The following GLCCI1 variants were observed in gnomAD, a reference collection of about 807,000 sequenced individuals.
The protein encoded by GLCCI1 is glucocorticoid-induced transcript 1 protein.
Under a neutral mutation model 52.2 loss-of-function variants are expected in GLCCI1, and 24 were observed. The observed-to-expected ratio is 0.46, with a 90% CI of 0.33 to 0.65. The LOEUF is 0.65. Among genes scored for constraint, GLCCI1 ranks in the 30% least tolerant of loss-of-function variants. The pLI is 0.02. For missense variants in GLCCI1, 704 were observed against 701.5 expected (o/e 1.00, Z -0.04); for synonymous variants, 310 against 276.5 (o/e 1.12, Z -1.20).
At position 7,982,830 on chromosome 7, in the gene GLCCI1, A is replaced by G. The variant is rs141540810; in HGVS notation, c.457+13023A>G. Among the ~76,000 whole-genome samples the G allele has an allele frequency of 1.8e-3, 269 of 151,898 alleles. 1 individual carries two copies. Among genetic ancestry groups the G allele is most frequent in the African/African-American group, 6.1e-3 (252 of 41,446 alleles). On this transcript the variant is annotated intron_variant, in intron 1 of 7. Transcript: ENST00000223145. Reference sequence around the variant, plus strand: ...TTATTCTTCTGTTGATGTACATTTGAGTTTTATTTAGTTTTGTTTTTGCTG... The same window carrying G: ...TTATTCTTCTGTTGATGTACATTTGGGTTTTATTTAGTTTTGTTTTTGCTG...
intron 1 of GLCCI1, chr7:7,981,996 G>T: frequency 2.4e-6 from 1 of 420,580 alleles, no homozygotes; most frequent in Admixed American, 3.2e-5. Context: ...GTATGAGAAA[G>T]TTTGGAGTTT....
intron 6 of GLCCI1, among the ~76,000 whole-genome samples, chr7:8,077,704 G>A (rs997859257): frequency 6.6e-6 from 1 of 152,176 alleles, no homozygotes; most frequent in African/African-American, 2.4e-5. Flanking sequence ...AAAGGTGCCA[G>A]AATCTGAGGC....
In GLCCI1 at chr7:8,086,301, C is replaced by CT; in HGVS notation, c.1409dup (p.Leu470PhefsTer5). 4 of 1,614,118 alleles carry CT rather than the reference C, an allele frequency of 2.5e-6. No individual in the cohort carries two copies. Among genetic ancestry groups the CT allele is most frequent in the Non-Finnish European group, 3.4e-6 (4 of 1,179,948 alleles). On this transcript the variant is annotated frameshift_variant, in exon 8 of 8. Coordinates refer to ENST00000223145, the MANE Select transcript of GLCCI1 (RefSeq NM_138426.4). LOFTEE classifies it high-confidence loss of function. This position sits in a 1 kb window ranked among gnomAD's most constrained non-coding sequence, Gnocchi z 4.4. ...GTCCTGTAAAACTTCTAGGCCCCCT[C>CT]TTACCTGCTTCTGACCTTATGCTCA...
intron 3 of GLCCI1, among the ~76,000 whole-genome samples, chr7:8,053,140 A>G (rs1209719266): frequency 1.3e-5 from 2 of 151,836 alleles, no homozygotes; most frequent in Non-Finnish European, 2.9e-5. Context: ...TGGTTCTCAG[A>G]TGTTAAGTAA....
intron 3 of GLCCI1, 74 bp downstream of exon 3, chr7:8,022,643 T>TTG: frequency 2.4e-6 from 2 of 834,406 alleles, no homozygotes; most frequent in Middle Eastern, 2.5e-4. Context: ...CTGAATGTAA[T>TTG]GACACTTTTA....
intron 6 of GLCCI1, among the ~76,000 whole-genome samples, chr7:8,079,223 G>A (rs190665626): frequency 6.6e-6 from 1 of 151,822 alleles, no homozygotes; most frequent in African/African-American, 2.4e-5. Flanking sequence ...TCTCTTATTG[G>A]GAGACCACAA....
chr7:8,082,211 A>G (rs1465177130), intron 6 of GLCCI1, among the ~76,000 whole-genome samples: 2 of 152,196 alleles, frequency 1.3e-5, no homozygotes, highest in Non-Finnish European at 2.9e-5. Flanking sequence ...CAAGTCTGGA[A>G]TGAGTAGCAT....
intron 4 of GLCCI1, among the ~76,000 whole-genome samples, chr7:8,058,322 A>G (rs566920474): frequency 9.8e-5 from 15 of 152,324 alleles, no homozygotes; most frequent in Non-Finnish European, 1.9e-4. Flanking sequence ...TCAAATAGCA[A>G]TTTACCTGAA....
chr7:8,064,783 CT>C (rs1256961300), intron 5 of GLCCI1, among the ~76,000 whole-genome samples: 2 of 152,110 alleles, frequency 1.3e-5, no homozygotes, highest in Non-Finnish European at 2.9e-5. Flanking sequence ...TCTCGGCTCA[CT>C]GCAACCTCCA....
At chr7:8,053,427 A>G (rs1271249026) in intron 3 of GLCCI1, among the ~76,000 whole-genome samples, 1 of 150,684 alleles carries the variant, frequency 6.6e-6, no homozygotes, top group African/African-American at 2.4e-5. Flanking sequence ...GGTTCAAGCA[A>G]TTCTTTTGCC....
Position 8,009,437 on chromosome 7 carries a change from G to A in GLCCI1, c.609+5378G>A, listed in dbSNP as rs567187840. Among the ~76,000 whole-genome samples, 5 of 152,230 alleles carry A rather than the reference G, an allele frequency of 3.3e-5. No homozygotes were observed. In the South Asian group the frequency reaches 8.3e-4, roughly 25 times the overall value. The stretch of plus-strand genomic sequence containing the variant: ...ATAATATATACAGCAATAATCAGAG[G>A]TATTTCCTACAACTTCCCAGGTATA... On this transcript the variant is annotated intron_variant, in intron 2 of 7. Coordinates refer to ENST00000223145, the MANE Select transcript of GLCCI1 (RefSeq NM_138426.4).
chr7:8,011,189 T>A (rs1781256072), intron 2 of GLCCI1, among the ~76,000 whole-genome samples: 1 of 152,182 alleles, frequency 6.6e-6, no homozygotes, highest in African/African-American at 2.4e-5. Context: ...AAATGTACAG[T>A]TCCATAGCAT....
In GLCCI1 at chr7:7,969,269, C is replaced by A. The variant is rs559864727; in HGVS notation, c.-82C>A. On this transcript the variant is annotated 5_prime_UTR_variant, in exon 1 of 8. Coordinates refer to ENST00000223145, the MANE Select transcript of GLCCI1 (RefSeq NM_138426.4). This position sits in a 1 kb window ranked among gnomAD's most constrained non-coding sequence, Gnocchi z 4.9. ...CCCCTTACACACTCGCACGCACTAT[C>A]GCGCCGGCTCCCACACGCTCGCGCG... 7.5e-4 allele frequency: 862 copies of A among 1,142,886 alleles called. 4 individuals are homozygous for A. The African/African-American group carries it at 0.014, about 18-fold the overall frequency. 70.8% of individuals were successfully genotyped at this position (1,142,886 alleles called of 1,614,324 possible). A position where few individuals can be genotyped will look rare whatever the true frequency, so the allele number is the denominator to read the frequency against.
chr7:8,028,752 T>C (rs4725055), intron 3 of GLCCI1, among the ~76,000 whole-genome samples: 94,436 of 151,802 alleles, frequency 0.62, 30,000 homozygotes, highest in African/African-American at 0.76. Context: ...CCAAATAAAT[T>C]AGAGGTGAAA....
chr7:8,002,299 C>A (rs1453079699), intron 1 of GLCCI1, among the ~76,000 whole-genome samples: 1 of 151,984 alleles, frequency 6.6e-6, no homozygotes, highest in Admixed American at 6.6e-5. Context: ...ATATATAAGA[C>A]AAGGAACTAT....
chr7:8,025,363 G>T (rs1781593399), intron 3 of GLCCI1, among the ~76,000 whole-genome samples: 1 of 151,902 alleles, frequency 6.6e-6, no homozygotes, highest in African/African-American at 2.4e-5. Flanking sequence ...AATAATAAAA[G>T]AATTTTCACA....
intron 3 of GLCCI1, among the ~76,000 whole-genome samples, chr7:8,054,582 G>T (rs1475993135): frequency 1.3e-5 from 2 of 151,912 alleles, no homozygotes; most frequent in Non-Finnish European, 2.9e-5. Flanking sequence ...TATTGCCATG[G>T]TTATTCAAGG....
chr7:7,991,207 T>C (rs942085073), intron 1 of GLCCI1, among the ~76,000 whole-genome samples: 1 of 152,130 alleles, frequency 6.6e-6, no homozygotes, highest in Non-Finnish European at 1.5e-5. Context: ...ACGAGCTAAT[T>C]TGTAGTTATT....
intron 1 of GLCCI1, among the ~76,000 whole-genome samples, chr7:7,998,304 C>A (rs1414612694): frequency 6.6e-6 from 1 of 152,022 alleles, no homozygotes; most frequent in East Asian, 1.9e-4. Flanking sequence ...GAAACCTCCG[C>A]CTTTCGGGTC....
Sources: gnomAD v4.1 joint callset for allele counts (sites outside exome capture counted in the v4.1 genomes callset) on GRCh38, gnomAD v4.1.1 for gene constraint, Gnocchi (gnomAD v3.1) non-coding constraint, MANE v1.5 for transcripts, NCBI Gene and HGNC (gene_info 2026-07-23, HGNC 2026-07-21) for gene names.